Variants in ADAMTSL1 observed in about 807,000 individuals in gnomAD.
ADAMTSL1 encodes ADAMTS like 1, also known as ADAMTS-like protein 1.
Under a neutral mutation model 201.8 loss-of-function variants are expected in ADAMTSL1, and 126 were observed. The ratio of observed to expected loss-of-function variants is 0.62; its 90% CI spans 0.54 to 0.72. The LOEUF (loss-of-function observed/expected upper bound fraction) is 0.72, where lower values mean the gene tolerates loss of function less well. ADAMTSL1 is among the 30% of genes least tolerant of loss of function. The pLI is 0.00. For missense variants in ADAMTSL1, 2,679 were observed against 2,277.8 expected (o/e 1.18, Z -3.59); for synonymous variants, 1,121 against 903.4 (o/e 1.24, Z -4.32).
At chr9:18,232,880 T>C (rs539696970) in intron 2 of ADAMTSL1, among the ~76,000 whole-genome samples, 45 of 152,332 alleles carry the variant, frequency 3.0e-4, no homozygotes, top group Middle Eastern at 3.4e-3. Context: ...AGCATATTAA[T>C]ATATTTTATA....
chr9:18,391,509 C>T (rs769778420), intron 2 of ADAMTSL1, among the ~76,000 whole-genome samples: 8 of 151,918 alleles, frequency 5.3e-5, no homozygotes, highest in Non-Finnish European at 1.0e-4. Flanking sequence ...GCAGTGGTGC[C>T]ATAATAGCTC....
intron 1 of ADAMTSL1, among the ~76,000 whole-genome samples, chr9:17,917,601 T>A (rs1233902102): frequency 5.3e-5 from 8 of 152,138 alleles, no homozygotes; most frequent in African/African-American, 1.9e-4. Context: ...TAAATTTTGT[T>A]TAGAATTTTT....
intron 2 of ADAMTSL1, among the ~76,000 whole-genome samples, chr9:18,430,293 C>T (rs1470797205): frequency 6.6e-6 from 1 of 152,096 alleles, no homozygotes; most frequent in Admixed American, 6.5e-5. Flanking sequence ...AAAGCTTCAC[C>T]AACAGTATTA....
intron 16 of ADAMTSL1, among the ~76,000 whole-genome samples, chr9:18,755,054 C>A (rs1363982014): frequency 1.3e-5 from 2 of 152,152 alleles, no homozygotes; most frequent in African/African-American, 4.8e-5. Context: ...CTTATGTGAC[C>A]CTTTCCACTA....
chr9:18,736,806 C>T (rs1818522597), intron 15 of ADAMTSL1, among the ~76,000 whole-genome samples: 1 of 152,188 alleles, frequency 6.6e-6, no homozygotes, highest in South Asian at 2.1e-4. Flanking sequence ...AATTATCTTT[C>T]CATTGTCTCT....
At chr9:18,666,702 G>A (rs961927572) in intron 9 of ADAMTSL1, among the ~76,000 whole-genome samples, 4 of 152,148 alleles carry the variant, frequency 2.6e-5, no homozygotes, top group African/African-American at 9.6e-5. Flanking sequence ...TTGGGTGAAA[G>A]GTCAGGTCCA....
chr9:17,946,489 T>G (rs1827490531), intron 1 of ADAMTSL1, among the ~76,000 whole-genome samples: 1 of 152,164 alleles, frequency 6.6e-6, no homozygotes, highest in Admixed American at 6.6e-5. Context: ...ACTAAACATT[T>G]TTGTAAGAAA....
chr9:18,712,017 C>A (rs62551686), intron 14 of ADAMTSL1, among the ~76,000 whole-genome samples: 1 of 143,308 alleles, frequency 7.0e-6, no homozygotes, highest in Non-Finnish European at 1.6e-5. Flanking sequence ...GGTACTCCAA[C>A]AGACCTGCAG....
intron 1 of ADAMTSL1, among the ~76,000 whole-genome samples, chr9:17,986,142 C>T (rs945491137): frequency 2.6e-5 from 4 of 152,078 alleles, no homozygotes. Context: ...TGCTTGGAGG[C>T]TCTGAGTTCA....
At chr9:18,262,417 A>T (rs1165913372) in intron 2 of ADAMTSL1, among the ~76,000 whole-genome samples, 1 of 152,220 alleles carries the variant, frequency 6.6e-6, no homozygotes, top group Non-Finnish European at 1.5e-5. Context: ...ACATAAACAT[A>T]TTATTTTTAA....
chr9:18,258,313 A>T (rs1298006306), intron 2 of ADAMTSL1, among the ~76,000 whole-genome samples: 1 of 152,238 alleles, frequency 6.6e-6, no homozygotes, highest in Non-Finnish European at 1.5e-5. Context: ...GTGATATGCT[A>T]GTATGCAAAA....
chr9:18,725,755 CA>C (rs1817851346), intron 15 of ADAMTSL1, among the ~76,000 whole-genome samples: 1 of 152,118 alleles, frequency 6.6e-6, no homozygotes, highest in African/African-American at 2.4e-5. Flanking sequence ...TTCTTATACC[CA>C]GAGATAACCA....
intron 1 of ADAMTSL1, among the ~76,000 whole-genome samples, chr9:18,071,235 TTTTG>T (rs1822949027): frequency 6.6e-6 from 1 of 152,216 alleles, no homozygotes; most frequent in Non-Finnish European, 1.5e-5. Flanking sequence ...ACTATAACTT[TTTTG>T]TTTGTTGTCA....
intron 4 of ADAMTSL1, among the ~76,000 whole-genome samples, chr9:18,595,920 G>A (rs1400162417): frequency 1.3e-5 from 2 of 152,164 alleles, no homozygotes; most frequent in African/African-American, 4.8e-5. Flanking sequence ...CCTAGGTCAT[G>A]GGCTCTGCTA....
At chr9:18,474,590 T>C (rs1821359094) in intron 1 of ADAMTSL1, among the ~76,000 whole-genome samples, 2 of 152,112 alleles carry the variant, frequency 1.3e-5, no homozygotes, top group African/African-American at 4.8e-5. Flanking sequence ...CTGAGGACTG[T>C]ATATATGGTG....
chr9:18,662,958 A>AT (rs1272944119), intron 9 of ADAMTSL1, among the ~76,000 whole-genome samples: 2 of 152,194 alleles, frequency 1.3e-5, no homozygotes, highest in African/African-American at 4.8e-5. Flanking sequence ...ACAAAGATTC[A>AT]TTTTCAAACT....
At chr9:18,767,680 C>CA (rs1002222891) in intron 16 of ADAMTSL1, among the ~76,000 whole-genome samples, 1 of 152,208 alleles carries the variant, frequency 6.6e-6, no homozygotes, top group Non-Finnish European at 1.5e-5. Context: ...AGAACATTCA[C>CA]AGGAGGCATT....
chr9:18,857,115 A>G (rs951577695), intron 23 of ADAMTSL1, among the ~76,000 whole-genome samples: 1 of 152,040 alleles, frequency 6.6e-6, no homozygotes, highest in African/African-American at 2.4e-5. Context: ...GTGGTTTGAG[A>G]CTTGGTTTCT....
intron 16 of ADAMTSL1, among the ~76,000 whole-genome samples, chr9:18,766,099 G>A (rs532713728): frequency 1.6e-4 from 24 of 152,250 alleles, no homozygotes; most frequent in Admixed American, 1.3e-4. Flanking sequence ...GGGGGGTGTC[G>A]TAAAATATAA....
Sources: gnomAD v4.1 joint callset for allele counts (sites outside exome capture counted in the v4.1 genomes callset) on GRCh38, gnomAD v4.1.1 for gene constraint, MANE v1.5 for transcripts, NCBI Gene and HGNC (gene_info 2026-07-23, HGNC 2026-07-21) for gene names.